The following NBEAL1 variants were observed in gnomAD, a reference collection of about 807,000 sequenced individuals.
NBEAL1 encodes neurobeachin-like protein 1.
In NBEAL1, 273 loss-of-function variants were observed where a neutral mutation model predicts 351.3. The observed-to-expected ratio is 0.78, with a 90% CI of 0.70 to 0.86. NBEAL1 has a LOEUF of 0.86. Ranked by LOEUF, NBEAL1 falls within the 40% of genes least tolerant of loss-of-function variation. NBEAL1 has a pLI of 0.00. For missense variants in NBEAL1, 2,961 were observed against 3,201.3 expected (o/e 0.92, Z 1.81); for synonymous variants, 1,050 against 1,086.4 (o/e 0.97, Z 0.66).
At chr2:203,115,370 C>T (rs185918711) in intron 17 of NBEAL1, among the ~76,000 whole-genome samples, 79 of 149,426 alleles carry the variant, frequency 5.3e-4, no homozygotes, top group African/African-American at 3.7e-4. Flanking sequence ...GTGATCCTCC[C>T]GCCTCAGCCT....
At chr2:203,196,855 G>C (rs1200309723) in intron 47 of NBEAL1, among the ~76,000 whole-genome samples, 1 of 152,178 alleles carries the variant, frequency 6.6e-6, no homozygotes, top group African/African-American at 2.4e-5. Context: ...CTTTCAGGAA[G>C]TACCCTAGTT....
intron 4 of NBEAL1, among the ~76,000 whole-genome samples, chr2:203,050,539 G>C (rs2061308280): frequency 6.6e-6 from 1 of 152,126 alleles, no homozygotes; most frequent in African/African-American, 2.4e-5. Context: ...ACCTGTAAAT[G>C]TATATGCATT....
At position 203,107,976 on chromosome 2, in the gene NBEAL1, G is replaced by C; in HGVS notation, c.1737G>C (p.Val579=). ...CTGTTCACCCTTATGTCACTCCCGT[G>C]ACTCGAGCAATCCTGACAATGGCCC... ...SESVHPYVTP[V]TRAILTMARK... The change falls in exon 14 of 56, where the codon GTG becomes GTC. Residue 579 remains valine, a synonymous_variant. Transcript: ENST00000683969. 6.4e-7 allele frequency: 1 copy of C among 1,554,686 alleles called. No individual in the cohort carries two copies. The highest frequency in any genetic ancestry group is 8.7e-7 in the Non-Finnish European group (1 of 1,147,920).
Position 203,112,062 on chromosome 2 carries a change from G to A in NBEAL1, c.2166G>A (p.Lys722=), listed in dbSNP as rs776656825. ...FVYIYDNGQQ[K]VSAPLRFPAM... ...ATATCTATGACAATGGACAACAGAA[G>A]GTTTCTGCCCCTCTCAGATTTCCTG... Residue 722 remains lysine (K), a synonymous_variant, in exon 16 of 56, where the codon AAG becomes AAA. Coordinates refer to ENST00000683969, the MANE Select transcript of NBEAL1 (RefSeq NM_001378026.1). 4 of 1,552,430 alleles carry A rather than the reference G, an allele frequency of 2.6e-6. No homozygotes were observed. The highest frequency in any genetic ancestry group is 2.4e-5 in the South Asian group (2 of 84,010).
intron 10 of NBEAL1, among the ~76,000 whole-genome samples, chr2:203,087,869 C>T (rs1404251473): frequency 6.6e-6 from 1 of 152,106 alleles, no homozygotes; most frequent in African/African-American, 2.4e-5. Context: ...GTATTTGGCA[C>T]ACAGTAGAAG....
intron 29 of NBEAL1, 43 bp from the exon 30 acceptor site, chr2:203,138,119 C>G (rs1174136619): frequency 6.3e-7 from 1 of 1,594,956 alleles, no homozygotes; most frequent in African/African-American, 1.4e-5. Context: ...TACTGTTTTT[C>G]TAAGCTCACA....
chr2:203,190,306 G>C lies in NBEAL1; in HGVS notation c.6838G>C (p.Asp2280His). Residue 2280 changes from aspartate to histidine, a missense_variant, in exon 46 of 56, where the codon GAT becomes CAT. By Grantham distance (81) the Asp-to-His change is moderately conservative. Transcript: ENST00000683969. ...TCTGGTTTTAGGAGCTGTGGATCTG[G>C]ATGCCTTAACAGATGAGAAAGAAAG... ...YCSYEGAVDLDALTDEKERKA... is the reference protein window; with the variant it reads ...YCSYEGAVDLHALTDEKERKA... 1 of 1,609,332 alleles carries C rather than the reference G, an allele frequency of 6.2e-7. No individual in the cohort carries two copies. The highest frequency in any genetic ancestry group is 2.2e-5 in the East Asian group (1 of 44,844).
chr2:203,107,777 G>C lies in NBEAL1; in HGVS notation c.1538G>C (p.Cys513Ser), dbSNP rs1452697006. Reference sequence around the variant, plus strand: ...ATTAATAGACAGAGTCGAACTACTTGTGTCAATGCAAACATGGGGATTAGA... The same window carrying C: ...ATTAATAGACAGAGTCGAACTACTTCTGTCAATGCAAACATGGGGATTAGA... ...CCINRQSRTT[C>S]VNANMGIRII... The change falls in exon 14 of 56, where the codon TGT becomes TCT. Residue 513 changes from cysteine to serine, a missense_variant. Coordinates refer to ENST00000683969, the MANE Select transcript of NBEAL1 (RefSeq NM_001378026.1). 3 of 1,554,420 alleles carry C rather than the reference G, an allele frequency of 1.9e-6. No homozygotes were observed. The highest frequency in any genetic ancestry group is 2.6e-6 in the Non-Finnish European group (3 of 1,147,760).
chr2:203,053,309 A>G (rs939141950), intron 4 of NBEAL1, among the ~76,000 whole-genome samples: 1 of 152,046 alleles, frequency 6.6e-6, no homozygotes, highest in Non-Finnish European at 1.5e-5. Flanking sequence ...TTAATTTGCA[A>G]TTCCCTAATG....
At chr2:203,080,248 A>G (rs2061848963) in intron 8 of NBEAL1, among the ~76,000 whole-genome samples, 1 of 151,536 alleles carries the variant, frequency 6.6e-6, no homozygotes, top group Non-Finnish European at 1.5e-5. Flanking sequence ...TCTGTACTAA[A>G]AATACAAAAA....
chr2:203,084,844 G>A (rs144773386), intron 10 of NBEAL1: 1 of 226,990 alleles, frequency 4.4e-6, no homozygotes, highest in African/African-American at 2.3e-5. Context: ...TATCCTTGAG[G>A]CCCTTTAAGT....
At chr2:203,171,893 T>A (rs769631371) in intron 39 of NBEAL1, 35 bp from the exon 40 acceptor site, 1 of 1,312,978 alleles carries the variant, frequency 7.6e-7, no homozygotes, top group Non-Finnish European at 1.1e-6. Context: ...TGTAGATTTT[T>A]AAATTTTGAT....
intron 18 of NBEAL1, among the ~76,000 whole-genome samples, chr2:203,121,315 A>T (rs549837503): frequency 2.6e-5 from 4 of 152,044 alleles, no homozygotes; most frequent in African/African-American, 9.7e-5. Context: ...TAAAGCAAAA[A>T]ATCTGTTTTC....
At chr2:203,090,809 A>G (rs2062049185) in intron 10 of NBEAL1, among the ~76,000 whole-genome samples, 1 of 152,072 alleles carries the variant, frequency 6.6e-6, no homozygotes, top group South Asian at 2.1e-4. Flanking sequence ...GAATTGCTTG[A>G]ACCCCGGAGG....
chr2:203,064,300 G>A (rs2061546639), intron 6 of NBEAL1, among the ~76,000 whole-genome samples: 2 of 152,110 alleles, frequency 1.3e-5, no homozygotes, highest in South Asian at 2.1e-4. Context: ...TGATCCACCT[G>A]CCTCAGCCTC....
At chr2:203,117,393 G>A (rs2062724614) in intron 18 of NBEAL1, among the ~76,000 whole-genome samples, 1 of 150,372 alleles carries the variant, frequency 6.7e-6, no homozygotes, top group Non-Finnish European at 1.5e-5. Flanking sequence ...AACTGGGGAG[G>A]CGGAGCTTGC....
intron 41 of NBEAL1, among the ~76,000 whole-genome samples, chr2:203,173,296 CAT>C (rs1158737034): frequency 1.3e-5 from 2 of 152,056 alleles, no homozygotes; most frequent in African/African-American, 4.8e-5. Context: ...CAATTTAGAA[CAT>C]GTCATTTTGA....
intron 41 of NBEAL1, among the ~76,000 whole-genome samples, 174 bp from the exon 42 acceptor site, chr2:203,174,973 A>T (rs1263237967): frequency 1.3e-5 from 2 of 152,018 alleles, no homozygotes; most frequent in Non-Finnish European, 2.9e-5. Flanking sequence ...AAGCAATAAA[A>T]TTTTTTTCGT....
intron 55 of NBEAL1, among the ~76,000 whole-genome samples, chr2:203,216,442 C>A (rs1331062656): frequency 2.0e-5 from 3 of 152,000 alleles, no homozygotes; most frequent in Non-Finnish European, 4.4e-5. Flanking sequence ...GTCTTGTTAG[C>A]AAAATTAAGA....
Sources: allele counts gnomAD v4.1 joint callset (sites outside exome capture counted in the v4.1 genomes callset), GRCh38; gene constraint gnomAD v4.1.1; transcripts MANE v1.5; gene names NCBI Gene and HGNC (gene_info 2026-07-23, HGNC 2026-07-21).